Variants in DAGLA observed in about 807,000 individuals in gnomAD.
The protein encoded by DAGLA is diacylglycerol lipase alpha, also known as diacylglycerol lipase-alpha.
A neutral mutation model predicts 102.6 loss-of-function variants in DAGLA; 22 were observed. The observed-to-expected ratio is 0.21, with a 90% CI of 0.15 to 0.31. The LOEUF is 0.31. Among genes scored for constraint, DAGLA ranks in the 10% least tolerant of loss-of-function variants. The pLI is 1.00. For synonymous variants in DAGLA, 578 were observed against 628.9 expected (o/e 0.92, Z 1.21); for missense variants, 927 against 1,446.6 (o/e 0.64, Z 5.83).
At chr11:61,728,547 G>A (rs1287932713) in intron 7 of DAGLA, among the ~76,000 whole-genome samples, 1 of 152,216 alleles carries the variant, frequency 6.6e-6, no homozygotes, top group Non-Finnish European at 1.5e-5. Flanking sequence ...GGCCCTCAAA[G>A]GACTTCTAAC....
chr11:61,721,535 G>A (rs185298223), intron 3 of DAGLA, among the ~76,000 whole-genome samples: 45 of 152,334 alleles, frequency 3.0e-4, no homozygotes, highest in African/African-American at 1.1e-3. Flanking sequence ...TTTGCTCTCT[G>A]GCCCTTTACA....
intron 1 of DAGLA, among the ~76,000 whole-genome samples, chr11:61,694,952 C>A (rs3931642): frequency 0.21 from 31,647 of 152,118 alleles, 3,656 homozygotes; most frequent in South Asian, 0.31. Flanking sequence ...AACATGTGCA[C>A]GTCTCCCCGC....
In DAGLA at chr11:61,717,372, A is replaced by T. The variant is rs554917091; in HGVS notation, c.-44-2740A>T. 3.3e-5 allele frequency among the ~76,000 whole-genome samples: 5 copies of T among 149,286 alleles called. No individual in the cohort carries two copies. The East Asian group carries it at 9.9e-4, about 29-fold the overall frequency. Reference sequence around the variant, plus strand: ...ATGCAGCACAGGCCCTGCCACCCCCACCCCAGACCTTGACTTGTTGGTGAC... The same window carrying T: ...ATGCAGCACAGGCCCTGCCACCCCCTCCCCAGACCTTGACTTGTTGGTGAC... On this transcript the variant is annotated intron_variant, in intron 1 of 19. Coordinates refer to ENST00000257215, the MANE Select transcript of DAGLA (RefSeq NM_006133.3).
intron 8 of DAGLA, 127 bp downstream of exon 8, chr11:61,729,135 C>A (rs374985765): frequency 1.2e-6 from 1 of 801,736 alleles, no homozygotes; most frequent in South Asian, 1.6e-5. Context: ...GGTCTCCCCC[C>A]GGCTCTCCAG....
chr11:61,736,989 T>C (rs2065428303), intron 13 of DAGLA, among the ~76,000 whole-genome samples, 193 bp from the exon 14 acceptor site: 1 of 152,208 alleles, frequency 6.6e-6, no homozygotes, highest in South Asian at 2.1e-4. Context: ...AATAAGAGTT[T>C]ATTAGAACAG....
chr11:61,685,829 G>A (rs1431271111), intron 1 of DAGLA, among the ~76,000 whole-genome samples: 1 of 150,600 alleles, frequency 6.6e-6, no homozygotes, highest in Non-Finnish European at 1.5e-5. Flanking sequence ...TTGGCGGGGT[G>A]ACTGGTGGCT....
intron 1 of DAGLA, among the ~76,000 whole-genome samples, chr11:61,701,312 G>A (rs1349436541): frequency 6.6e-6 from 1 of 152,230 alleles, no homozygotes; most frequent in Non-Finnish European, 1.5e-5. Flanking sequence ...AGAGGAGGCT[G>A]GGCTCTGAGG....
chr11:61,739,317 T>C, intron 16 of DAGLA, 148 bp from the exon 17 acceptor site: 1 of 782,118 alleles, frequency 1.3e-6, no homozygotes, highest in Non-Finnish European at 2.0e-6. Flanking sequence ...CGACCTTTAA[T>C]GCTCTGGCCA....
intron 16 of DAGLA, 116 bp downstream of exon 16, chr11:61,738,323 G>T: frequency 2.5e-6 from 2 of 796,738 alleles, no homozygotes; most frequent in East Asian, 2.7e-5. Flanking sequence ...GCCAGGGCAG[G>T]GTGTGGCTGG....
chr11:61,735,314 T>G (rs914364032), intron 10 of DAGLA, among the ~76,000 whole-genome samples: 5 of 152,106 alleles, frequency 3.3e-5, no homozygotes, highest in Admixed American at 2.6e-4. Context: ...TCACCTGGAC[T>G]CAGGGGCAAG....
intron 1 of DAGLA, among the ~76,000 whole-genome samples, chr11:61,705,876 GACTCTGGA>G (rs1207699545): frequency 6.6e-6 from 1 of 152,208 alleles, no homozygotes; most frequent in Non-Finnish European, 1.5e-5. Context: ...CTAAACCAGG[GACTCTGGA>G]ACCAAGCCCT....
chr11:61,685,232 C>T (rs1391022274), intron 1 of DAGLA, among the ~76,000 whole-genome samples: 1 of 152,146 alleles, frequency 6.6e-6, no homozygotes, highest in Non-Finnish European at 1.5e-5. Flanking sequence ...CCTCCGAGAG[C>T]CGAATGGCAA....
rs1284470995 is a variant in DAGLA at position 61,739,525 on chromosome 11, G to C, written c.1717G>C (p.Glu573Gln). ...CAAGTCGGAGCTGCCTGAGGAGGTA[G>C]AGGTGACCACCCTGGCCAGCACGCG... is the stretch of plus-strand genomic sequence containing the variant. Reference protein sequence around the residue: ...IPKSELPEEVEVTTLASTRLW... With the variant: ...IPKSELPEEVQVTTLASTRLW... Residue 573 changes from glutamate (E) to glutamine (Q), a missense_variant, in exon 17 of 20, where the codon GAG becomes CAG. Physicochemically the swap from Glu to Gln is conservative, Grantham distance 29. Coordinates refer to ENST00000257215, the MANE Select transcript of DAGLA (RefSeq NM_006133.3). 3 of 1,614,138 alleles carry C rather than the reference G, an allele frequency of 1.9e-6. No homozygotes were observed. The highest frequency in any genetic ancestry group is 3.3e-5 in the Admixed American group (2 of 60,026).
Position 61,744,555 on chromosome 11 carries a change from GC to G in DAGLA, c.*71del. ...GTGGCCCTGTGGGCACCTGGTGCCTGCCCCCTGCCGGGCAGCTTTAAGGACA... is the reference window on the plus strand; with the variant it reads ...GTGGCCCTGTGGGCACCTGGTGCCTGCCCCTGCCGGGCAGCTTTAAGGACA... On this transcript the variant is annotated 3_prime_UTR_variant, in exon 20 of 20. Coordinates refer to ENST00000257215, the MANE Select transcript of DAGLA (RefSeq NM_006133.3). 1 of 1,383,484 alleles carries G rather than the reference GC, an allele frequency of 7.2e-7. No homozygotes were observed. Among genetic ancestry groups the G allele is most frequent in the Non-Finnish European group, 9.8e-7 (1 of 1,021,102 alleles). The allele number at this position is 1,383,484 out of a possible 1,614,324, so 85.7% of individuals were successfully genotyped here.
chr11:61,704,929 C>A (rs1246293120), intron 1 of DAGLA, among the ~76,000 whole-genome samples: 2 of 152,154 alleles, frequency 1.3e-5, no homozygotes, highest in Non-Finnish European at 2.9e-5. Flanking sequence ...GAACCCTCAG[C>A]GGTGGGAGCA....
chr11:61,736,709 G>A (rs1347835727), intron 13 of DAGLA, among the ~76,000 whole-genome samples: 1 of 152,198 alleles, frequency 6.6e-6, no homozygotes, highest in Non-Finnish European at 1.5e-5. Flanking sequence ...CTACCTAGGG[G>A]GGAACTGAGT....
intron 19 of DAGLA, 115 bp from the exon 20 acceptor site, chr11:61,743,417 C>A: frequency 1.5e-6 from 1 of 678,226 alleles, no homozygotes; most frequent in Non-Finnish European, 2.4e-6. Context: ...TCATCAACAA[C>A]TGCTAAATGA....
At chr11:61,740,038 G>A (rs1271112091) in intron 17 of DAGLA, among the ~76,000 whole-genome samples, 5 of 152,234 alleles carry the variant, frequency 3.3e-5, no homozygotes, top group South Asian at 2.1e-4. Flanking sequence ...GGAATTCCTC[G>A]AAGACAGCTG....
intron 3 of DAGLA, among the ~76,000 whole-genome samples, chr11:61,721,593 A>G (rs894507752): frequency 1.3e-5 from 2 of 152,142 alleles, no homozygotes; most frequent in Admixed American, 6.5e-5. Flanking sequence ...TCTTCAAAGC[A>G]TATCTTCCTT....
Sources: gnomAD v4.1 joint callset for allele counts (sites outside exome capture counted in the v4.1 genomes callset) on GRCh38, gnomAD v4.1.1 for gene constraint, MANE v1.5 for transcripts, NCBI Gene and HGNC (gene_info 2026-07-23, HGNC 2026-07-21) for gene names.